The following NTSR1 variants were observed in gnomAD, a reference collection of about 807,000 sequenced individuals.
NTSR1 encodes neurotensin receptor type 1.
In NTSR1, 29 loss-of-function variants were observed where a neutral mutation model predicts 31.2. The ratio of observed to expected loss-of-function variants is 0.93; its 90% CI spans 0.69 to 1.27. The LOEUF (loss-of-function observed/expected upper bound fraction) is 1.27, where lower values mean the gene tolerates loss of function less well. Ranked by LOEUF, NTSR1 falls within the 50% of genes most tolerant of loss-of-function variation. NTSR1 has a pLI of 0.00. For synonymous variants in NTSR1, 282 were observed against 269.9 expected (o/e 1.04, Z -0.44); for missense variants, 697 against 595.4 (o/e 1.17, Z -1.78).
At chr20:62,730,307 C>T (rs1263371899) in intron 1 of NTSR1, among the ~76,000 whole-genome samples, 1 of 152,200 alleles carries the variant, frequency 6.6e-6, no homozygotes, top group East Asian at 1.9e-4. Flanking sequence ...ACTGTCTTTC[C>T]AGTTTGTCTT....
rs982825352 is a variant in NTSR1 at position 62,744,245 on chromosome 20, G to A, written c.715-10440G>A. The stretch of plus-strand genomic sequence containing the variant: ...CCAGGAACTGAGGCAGCACCTCTAG[G>A]CTCGCTCTTTTAGAAATGAGGCTGA... On this transcript the variant is annotated intron_variant, in intron 1 of 3. Transcript: ENST00000370501. This position sits in a 1 kb window ranked among gnomAD's most constrained non-coding sequence, Gnocchi z 4.1. Among the ~76,000 whole-genome samples the A allele has an allele frequency of 3.9e-5, 6 of 152,114 alleles. No individual in the cohort carries two copies. The highest frequency in any genetic ancestry group is 1.2e-4 in the African/African-American group (5 of 41,420).
chr20:62,742,085 C>CA lies in NTSR1; in HGVS notation c.715-12596dup, dbSNP rs1282666336. Among the ~76,000 whole-genome samples, 1 of 149,588 alleles carries CA rather than the reference C, an allele frequency of 6.7e-6. No individual in the cohort carries two copies. Among genetic ancestry groups the CA allele is most frequent in the Non-Finnish European group, 1.5e-5 (1 of 68,012 alleles). ...CAAACCGTTATTTTTAATACTGAGC[C>CA]AAAACCTGCACATCAGAGCTCTCTG... On this transcript the variant is annotated intron_variant, in intron 1 of 3. Transcript: ENST00000370501. The surrounding 1 kb of genome is among the most constrained non-coding windows in gnomAD (Gnocchi z 7.1).
chr20:62,759,649 C>A (rs1243396189), intron 3 of NTSR1, among the ~76,000 whole-genome samples: 1 of 152,050 alleles, frequency 6.6e-6, no homozygotes, highest in East Asian at 1.9e-4. Flanking sequence ...TGGGGGGGTC[C>A]CTGTAGTCCC....
chr20:62,761,702 T>A lies in NTSR1; in HGVS notation c.*1435T>A, dbSNP rs748141461. 12 of 152,208 alleles carry A rather than the reference T, an allele frequency of 7.9e-5. No homozygotes were observed. The highest frequency in any genetic ancestry group is 1.2e-4 in the Non-Finnish European group (8 of 68,062). 9.4% of individuals were successfully genotyped at this position (152,208 alleles called of 1,614,324 possible). On this transcript the variant is annotated 3_prime_UTR_variant, in exon 4 of 4. Transcript: ENST00000370501. ...GTCGACCCAGGACCCGGACACCTGG[T>A]CTTGGGCTGTGTTCAGCCACTTTGC...
chr20:62,751,021 G>A (rs974714631), intron 1 of NTSR1, among the ~76,000 whole-genome samples: 6 of 152,098 alleles, frequency 3.9e-5, no homozygotes, highest in Non-Finnish European at 7.4e-5. Context: ...CACTATAGGC[G>A]TATGCCAGCA....
chr20:62,712,393 G>A (rs1187700189), intron 1 of NTSR1, among the ~76,000 whole-genome samples: 1 of 152,206 alleles, frequency 6.6e-6, no homozygotes, highest in East Asian at 1.9e-4. Context: ...CCAAAACAGG[G>A]GTCCTTTCCT....
At chr20:62,730,423 T>C (rs1988983416) in intron 1 of NTSR1, among the ~76,000 whole-genome samples, 1 of 152,250 alleles carries the variant, frequency 6.6e-6, no homozygotes, top group South Asian at 2.1e-4. Context: ...TTTTCATGGC[T>C]TGATAGCTTG....
Position 62,715,781 on chromosome 20 carries a change from C to T in NTSR1, c.714+5860C>T, listed in dbSNP as rs934274302. Among the ~76,000 whole-genome samples, 3 of 152,186 alleles carry T rather than the reference C, an allele frequency of 2.0e-5. No individual in the cohort carries two copies. Among genetic ancestry groups the T allele is most frequent in the Non-Finnish European group, 4.4e-5 (3 of 68,028 alleles). ...CCACCCTGTGCTTGCCAAGAACCACCACAAGCCACCCCACAGGTGAGGCAG... is the reference window on the plus strand; with the variant it reads ...CCACCCTGTGCTTGCCAAGAACCACTACAAGCCACCCCACAGGTGAGGCAG... On this transcript the variant is annotated intron_variant, in intron 1 of 3. Transcript: ENST00000370501. This position sits in a 1 kb window ranked among gnomAD's most constrained non-coding sequence, Gnocchi z 4.7.
rs539331202 is a variant in NTSR1, at chr20:62,743,831, C to A, written c.715-10854C>A. On this transcript the variant is annotated intron_variant, in intron 1 of 3. Transcript: ENST00000370501. This position sits in a 1 kb window ranked among gnomAD's most constrained non-coding sequence, Gnocchi z 7.5. Reference sequence around the variant, plus strand: ...GAGGTGAGAACGCCCTGCCTGAGGTCGAGGGGCTGAGGCCGGCTGTCTGGA... The same window carrying A: ...GAGGTGAGAACGCCCTGCCTGAGGTAGAGGGGCTGAGGCCGGCTGTCTGGA... 2.1e-4 allele frequency among the ~76,000 whole-genome samples: 32 copies of A among 152,294 alleles called. No homozygotes were observed. Among genetic ancestry groups the A allele is most frequent in the African/African-American group, 7.2e-4 (30 of 41,552 alleles).
intron 1 of NTSR1, among the ~76,000 whole-genome samples, chr20:62,750,162 C>G (rs1357338867): frequency 1.3e-5 from 2 of 152,166 alleles, no homozygotes; most frequent in Non-Finnish European, 2.9e-5. Context: ...CCGCAACAAA[C>G]CTGGGGGCAT....
In NTSR1 at chr20:62,743,400, T is replaced by C. The variant is rs1041264746; in HGVS notation, c.715-11285T>C. ...TTCGGGGTCATGAGAACCCTGAGGG[T>C]TGCTCCCAAGTCAGTGTTTGCTGGG... On this transcript the variant is annotated intron_variant, in intron 1 of 3. Transcript: ENST00000370501. The surrounding 1 kb of genome is among the most constrained non-coding windows in gnomAD (Gnocchi z 7.5). 7.3e-6 allele frequency among the ~76,000 whole-genome samples: 1 copy of C among 136,084 alleles called. No individual in the cohort carries two copies. The highest frequency in any genetic ancestry group is 1.5e-5 in the Non-Finnish European group (1 of 67,556). The allele number at this position is 136,084 out of a possible 152,430, so 89.3% of individuals were successfully genotyped here. A position where few individuals can be genotyped will look rare whatever the true frequency, so the allele number is the denominator to read the frequency against.
intron 1 of NTSR1, among the ~76,000 whole-genome samples, chr20:62,746,624 A>G (rs1989305163): frequency 6.6e-6 from 1 of 152,256 alleles, no homozygotes; most frequent in African/African-American, 2.4e-5. Context: ...AAGGATCATA[A>G]TAAACTGTGA....
rs752314674 is a variant in NTSR1, at chr20:62,760,183, G to A, written c.1173G>A (p.Lys391=). 32 of 1,613,892 alleles carry A rather than the reference G, an allele frequency of 2.0e-5. 2 individuals carry two copies. In the South Asian group the frequency reaches 3.4e-4, roughly 17 times the overall value. Reference sequence around the variant, plus strand: ...GCCCGGTGTGGCGGCGCAGGAGGAAGAGGCCAGCCTTCTCGAGGAAGGCCG... The same window carrying A: ...GCCCGGTGTGGCGGCGCAGGAGGAAAAGGCCAGCCTTCTCGAGGAAGGCCG... The part of the protein sequence containing the change: ...CLCPVWRRRR[K]RPAFSRKADS... The change falls in exon 4 of 4, where the codon AAG becomes AAA. Residue 391 remains lysine, a synonymous_variant. Coordinates refer to ENST00000370501, the MANE Select transcript of NTSR1 (RefSeq NM_002531.3).
At chr20:62,721,374 A>C (rs903347418) in intron 1 of NTSR1, among the ~76,000 whole-genome samples, 3 of 152,002 alleles carry the variant, frequency 2.0e-5, no homozygotes, top group Admixed American at 1.3e-4. Context: ...TCCCATTTCC[A>C]TGGTTCTTTT....
rs377354926 is a variant in NTSR1 at position 62,754,891 on chromosome 20, G to T, written c.916+5G>T. ...GGCACGGCGTGCGCGTCCTACGTAC[G>T]TAACCTCTGGGCCCTCCAGGGGCGG... On this transcript the variant is annotated splice_donor_5th_base_variant and intron_variant, in intron 2 of 3. Transcript: ENST00000370501. 1.9e-6 allele frequency: 3 copies of T among 1,589,734 alleles called. No homozygotes were observed. The highest frequency in any genetic ancestry group is 1.3e-5 in the African/African-American group (1 of 74,692).
chr20:62,730,717 C>T (rs1056752031), intron 1 of NTSR1, among the ~76,000 whole-genome samples: 4 of 152,206 alleles, frequency 2.6e-5, no homozygotes, highest in Admixed American at 6.5e-5. Context: ...CGGGTGAGGG[C>T]GGTTCTGTTG....
intron 1 of NTSR1, among the ~76,000 whole-genome samples, chr20:62,749,797 C>T (rs1300299548): frequency 1.3e-5 from 2 of 152,066 alleles, no homozygotes; most frequent in Non-Finnish European, 2.9e-5. Flanking sequence ...GCAGATAACT[C>T]GTGGTGGGGA....
intron 1 of NTSR1, among the ~76,000 whole-genome samples, chr20:62,710,436 T>C (rs1988584957): frequency 1.3e-5 from 2 of 152,030 alleles, no homozygotes; most frequent in South Asian, 4.1e-4. Flanking sequence ...TGTGATGGGG[T>C]AGTGATAGCA....
At chr20:62,751,653 G>A (rs536555774) in intron 1 of NTSR1, among the ~76,000 whole-genome samples, 2 of 152,376 alleles carry the variant, frequency 1.3e-5, no homozygotes, top group East Asian at 3.9e-4. Context: ...AGACAAATGT[G>A]ACTGATGCAA....
Sources: allele counts gnomAD v4.1 joint callset (sites outside exome capture counted in the v4.1 genomes callset), GRCh38; gene constraint gnomAD v4.1.1; non-coding constraint Gnocchi (gnomAD v3.1); transcripts MANE v1.5; gene names NCBI Gene and HGNC (gene_info 2026-07-23, HGNC 2026-07-21).